The following TBC1D5 variants were observed in gnomAD, a reference collection of about 807,000 sequenced individuals.
TBC1D5 encodes TBC1 domain family member 5, also known as TBC1 domain family, member 5.
A neutral mutation model predicts 100.3 loss-of-function variants in TBC1D5; 75 were observed. The observed-to-expected ratio is 0.75, with a 90% CI of 0.62 to 0.91. The LOEUF (loss-of-function observed/expected upper bound fraction) is 0.91, where lower values mean the gene tolerates loss of function less well. Among genes scored for constraint, TBC1D5 ranks in the 40% least tolerant of loss-of-function variants. The pLI is 0.00. For synonymous variants in TBC1D5, 323 were observed against 325.6 expected (o/e 0.99, Z 0.09); for missense variants, 910 against 942.4 (o/e 0.97, Z 0.45).
chr3:17,579,039 G>C (rs2096675119), intron 2 of TBC1D5, among the ~76,000 whole-genome samples: 1 of 151,954 alleles, frequency 6.6e-6, no homozygotes, highest in South Asian at 2.1e-4. Context: ...CTTAAGTTGA[G>C]GCAAAATTAT....
At chr3:17,227,596 G>GT (rs1237892755) in intron 17 of TBC1D5, among the ~76,000 whole-genome samples, 2 of 151,914 alleles carry the variant, frequency 1.3e-5, no homozygotes, top group East Asian at 3.9e-4. Flanking sequence ...ACTAACACAG[G>GT]AACAGAAAAC....
At chr3:17,361,055 CA>C (rs1420160894) in intron 13 of TBC1D5, among the ~76,000 whole-genome samples, 1 of 152,006 alleles carries the variant, frequency 6.6e-6, no homozygotes, top group African/African-American at 2.4e-5. Flanking sequence ...CCTTTAGCTA[CA>C]GTATATCAAG....
intron 1 of TBC1D5, among the ~76,000 whole-genome samples, chr3:17,636,799 T>G (rs1304291041): frequency 6.7e-6 from 1 of 149,090 alleles, no homozygotes; most frequent in African/African-American, 2.5e-5. Context: ...AGACTCCGTC[T>G]CAAAAAAAAA....
At chr3:17,640,266 A>T (rs1405676272) in intron 1 of TBC1D5, among the ~76,000 whole-genome samples, 3 of 152,004 alleles carry the variant, frequency 2.0e-5, no homozygotes, top group Non-Finnish European at 4.4e-5. Context: ...CTTTTTATTT[A>T]AAAAAAATCA....
At chr3:17,687,649 T>G (rs2070502734) in intron 1 of TBC1D5, among the ~76,000 whole-genome samples, 1 of 152,152 alleles carries the variant, frequency 6.6e-6, no homozygotes, top group Non-Finnish European at 1.5e-5. Context: ...CTATTCAAAG[T>G]CACCTCATAT....
intron 3 of TBC1D5, among the ~76,000 whole-genome samples, chr3:17,430,287 A>T (rs1355226269): frequency 6.6e-6 from 1 of 151,760 alleles, no homozygotes; most frequent in African/African-American, 2.4e-5. Context: ...TTTCTCGTTA[A>T]AACTAAAGAT....
chr3:17,405,312 G>A (rs1276694025), intron 5 of TBC1D5, among the ~76,000 whole-genome samples: 1 of 152,002 alleles, frequency 6.6e-6, no homozygotes, highest in East Asian at 1.9e-4. Context: ...GGGTTATTAA[G>A]GAGCACAAAG....
chr3:17,318,496 G>T (rs918287221), intron 13 of TBC1D5, among the ~76,000 whole-genome samples: 19 of 152,114 alleles, frequency 1.2e-4, no homozygotes, highest in African/African-American at 3.4e-4. Context: ...AAAAATTCTT[G>T]CATGTTTCAG....
At chr3:17,588,263 A>T (rs2096744899) in intron 2 of TBC1D5, among the ~76,000 whole-genome samples, 1 of 151,944 alleles carries the variant, frequency 6.6e-6, no homozygotes, top group Admixed American at 6.6e-5. Flanking sequence ...AGAAAAAAAA[A>T]AAAAAAGAGA....
chr3:17,405,028 C>G (rs1230761734), intron 5 of TBC1D5, 67 bp from the exon 6 acceptor site: 2 of 829,484 alleles, frequency 2.4e-6, no homozygotes, highest in Non-Finnish European at 3.8e-6. Flanking sequence ...CTATGCCAAA[C>G]TGAACCACCT....
intron 16 of TBC1D5, among the ~76,000 whole-genome samples, chr3:17,246,446 T>A (rs1367450421): frequency 6.6e-6 from 1 of 152,096 alleles, no homozygotes; most frequent in Non-Finnish European, 1.5e-5. Context: ...TATATGAAAA[T>A]GCAAAGGAAC....
intron 15 of TBC1D5, among the ~76,000 whole-genome samples, chr3:17,269,608 C>A (rs562336432): frequency 1.1e-4 from 17 of 151,976 alleles, no homozygotes; most frequent in Non-Finnish European, 1.8e-4. Context: ...GAACACAGTA[C>A]CCAATAGGAA....
At chr3:17,437,736 G>C (rs2094564353) in intron 3 of TBC1D5, among the ~76,000 whole-genome samples, 1 of 151,850 alleles carries the variant, frequency 6.6e-6, no homozygotes, top group African/African-American at 2.4e-5. Context: ...AGAGAGAAAA[G>C]AGATTGAGAT....
At position 17,404,782 on chromosome 3, in the gene TBC1D5, A is replaced by T. The variant is rs2093726622; in HGVS notation, c.367-14T>A. On this transcript the variant is annotated splice_polypyrimidine_tract_variant and intron_variant, in intron 6 of 21. Transcript: ENST00000253692. ...GTTGGTAATATGCTAGTAAAGAAAG[A>T]GAAAACACACACACAAGGATCAGAG... is the stretch of plus-strand genomic sequence containing the variant. 1.9e-6 allele frequency: 3 copies of T among 1,598,984 alleles called. No individual in the cohort carries two copies. Among genetic ancestry groups the T allele is most frequent in the Non-Finnish European group, 2.6e-6 (3 of 1,175,402 alleles).
At position 17,238,439 on chromosome 3, in the gene TBC1D5, A is replaced by G. The variant is rs1189471171; in HGVS notation, c.1332-20T>C. ...TTGGTCCTGTTAAAAAAAGAAATGG[A>G]GAAGCATTATTTACATTAGAGGATG... On this transcript the variant is annotated intron_variant, in intron 16 of 21. Transcript: ENST00000253692. 3 of 1,600,624 alleles carry G rather than the reference A, an allele frequency of 1.9e-6. No homozygotes were observed. Among genetic ancestry groups the G allele is most frequent in the Admixed American group, 3.4e-5 (2 of 58,354 alleles).
intron 17 of TBC1D5, among the ~76,000 whole-genome samples, chr3:17,231,027 C>T: frequency 6.6e-6 from 1 of 152,044 alleles, no homozygotes; most frequent in East Asian, 1.9e-4. Context: ...TCAGTAGAGA[C>T]TCATTTTTTT....
At chr3:17,332,096 T>C (rs112420823) in intron 13 of TBC1D5, among the ~76,000 whole-genome samples, 1 of 152,252 alleles carries the variant, frequency 6.6e-6, no homozygotes, top group Non-Finnish European at 1.5e-5. Context: ...GAGACTAGGA[T>C]GAAAACAGGA....
At chr3:17,575,757 C>G (rs921804783) in intron 2 of TBC1D5, among the ~76,000 whole-genome samples, 28 of 151,942 alleles carry the variant, frequency 1.8e-4, no homozygotes, top group African/African-American at 6.3e-4. Flanking sequence ...TATGTACCAA[C>G]AAACTATGAA....
At chr3:17,653,314 A>C (rs1297870072) in intron 1 of TBC1D5, among the ~76,000 whole-genome samples, 2 of 152,126 alleles carry the variant, frequency 1.3e-5, no homozygotes, top group Non-Finnish European at 2.9e-5. Flanking sequence ...TGTTACCTTA[A>C]AAAATAAAAT....
Sources: gnomAD v4.1 joint callset for allele counts (sites outside exome capture counted in the v4.1 genomes callset) on GRCh38, gnomAD v4.1.1 for gene constraint, MANE v1.5 for transcripts, NCBI Gene and HGNC (gene_info 2026-07-23, HGNC 2026-07-21) for gene names.